The following TMEM18 variants were observed in gnomAD, a reference collection of about 807,000 sequenced individuals.
TMEM18 encodes transmembrane protein 18.
In TMEM18, 14 loss-of-function variants were observed where a neutral mutation model predicts 17.4. The ratio of observed to expected loss-of-function variants is 0.80; its 90% CI spans 0.53 to 1.25. The LOEUF (loss-of-function observed/expected upper bound fraction) is 1.25. Ranked by LOEUF, TMEM18 falls within the 50% of genes most tolerant of loss-of-function variation. The probability of loss-of-function intolerance (pLI) is 0.00; values close to 1 mark genes in which losing one functional copy is unlikely to be tolerated. For missense variants in TMEM18, 187 were observed against 172.1 expected (o/e 1.09, Z -0.48); for synonymous variants, 86 against 66.1 (o/e 1.30, Z -1.46).
rs1678743296 is a variant in TMEM18, at chr2:668,163, TAAC to T, written c.*1414_*1416del. The stretch of plus-strand genomic sequence containing the variant: ...TGTGAGAACTCCCTCTCTATTATGA[TAAC>T]AACATAGGGGAAACCACCCCCATGA... On this transcript the variant is annotated 3_prime_UTR_variant, in exon 5 of 5. Coordinates refer to ENST00000281017, the MANE Select transcript of TMEM18 (RefSeq NM_152834.4). 1 of 152,146 alleles carries T rather than the reference TAAC, an allele frequency of 6.6e-6. No homozygotes were observed. The allele number at this position is 152,146 out of a possible 1,614,324, so 9.4% of individuals were successfully genotyped here.
At position 677,227 on chromosome 2, in the gene TMEM18, GC is replaced by G. The variant is rs1226003721; in HGVS notation, c.57+61del. 22 of 1,559,424 alleles carry G rather than the reference GC, an allele frequency of 1.4e-5. No individual in the cohort carries two copies. The African/African-American group carries it at 2.4e-4, about 17-fold the overall frequency. ...GGCCACAGGCCGGGTGCTCTGTGGG[GC>G]CTACCCTACGCCTCTCCGCCGTCCT... On this transcript the variant is annotated intron_variant, in intron 1 of 4. Coordinates refer to ENST00000281017, the MANE Select transcript of TMEM18 (RefSeq NM_152834.4).
intron 3 of TMEM18, 68 bp downstream of exon 3, chr2:672,740 C>A (rs192923284): frequency 0.016 from 22,198 of 1,358,056 alleles, 239 homozygotes; most frequent in Non-Finnish European, 0.019. Flanking sequence ...GCGAGTCCCA[C>A]CGGCTGTGGG....
Position 675,966 on chromosome 2 carries a change from G to A in TMEM18, c.58-336C>T. ...GTTTTTAAGGTGGGTATAATTAAAG[G>A]AATTACCATCCTTTACGATGATAAT... On this transcript the variant is annotated intron_variant, in intron 1 of 4. Coordinates refer to ENST00000281017, the MANE Select transcript of TMEM18 (RefSeq NM_152834.4). 6 of 1,335,536 alleles carry A rather than the reference G, an allele frequency of 4.5e-6. No individual in the cohort carries two copies. The South Asian group carries it at 7.7e-5, about 17-fold the overall frequency. 82.7% of individuals were successfully genotyped at this position (1,335,536 alleles called of 1,614,324 possible). A position where few individuals can be genotyped will look rare whatever the true frequency, so the allele number is the denominator to read the frequency against.
rs145379573 is a variant in TMEM18 at position 672,868 on chromosome 2, A to G, written c.179-6T>C. 1,423 of 1,509,840 alleles carry G rather than the reference A, an allele frequency of 9.4e-4. 18 individuals are homozygous for G. In the African/African-American group the frequency reaches 0.018, roughly 19 times the overall value. The allele number at this position is 1,509,840 out of a possible 1,614,324, so 93.5% of individuals were successfully genotyped here. ...AGCACAGTAGACTAAGATGACTGAAAAAAGGTACAAGTCATATTAGAATTT... is the reference window on the plus strand; with the variant it reads ...AGCACAGTAGACTAAGATGACTGAAGAAAGGTACAAGTCATATTAGAATTT... On this transcript the variant is annotated splice_region_variant and splice_polypyrimidine_tract_variant and intron_variant, in intron 2 of 4. Coordinates refer to ENST00000281017, the MANE Select transcript of TMEM18 (RefSeq NM_152834.4).
Position 672,797 on chromosome 2 carries a change from G to T in TMEM18, c.233+11C>A. The T allele has an allele frequency of 6.8e-7, 1 of 1,465,492 alleles. No individual in the cohort carries two copies. The highest frequency in any genetic ancestry group is 1.5e-5 in the African/African-American group (1 of 67,448). The allele number at this position is 1,465,492 out of a possible 1,614,324, so 90.8% of individuals were successfully genotyped here. A position where few individuals can be genotyped will look rare whatever the true frequency, so the allele number is the denominator to read the frequency against. On this transcript the variant is annotated intron_variant, in intron 3 of 4. Transcript: ENST00000281017. ...GCAGGGACCTGGTCACAGGCCCGGG[G>T]GTGGGCTCACCTCCAGTTCATCGCA...
intron 1 of TMEM18, chr2:676,624 C>T (rs1659233936): frequency 1.3e-6 from 2 of 1,550,412 alleles, no homozygotes; most frequent in South Asian, 1.2e-5. Context: ...CTGCCCAGAC[C>T]CCATCGAGTG....
At chr2:677,240 C>G (rs1053933752) in intron 1 of TMEM18, 49 bp downstream of exon 1, 2 of 1,582,274 alleles carry the variant, frequency 1.3e-6, no homozygotes, top group Non-Finnish European at 1.7e-6. Flanking sequence ...TACCCTACGC[C>G]TCTCCGCCGT....
rs1447068527 is a variant in TMEM18 at position 664,774 on chromosome 2, G to C, written c.*4806C>G. On this transcript the variant is annotated 3_prime_UTR_variant, in exon 5 of 5. Transcript: ENST00000281017. Reference sequence around the variant, plus strand: ...TGTAAGAATTTATTCCAAGTCAATAGTGGAAATGTAGGCATGTGAGGTTGG... The same window carrying C: ...TGTAAGAATTTATTCCAAGTCAATACTGGAAATGTAGGCATGTGAGGTTGG... Among the ~76,000 whole-genome samples the C allele has an allele frequency of 2.0e-5, 3 of 152,222 alleles. No individual in the cohort carries two copies. The highest frequency in any genetic ancestry group is 2.9e-5 in the Non-Finnish European group (2 of 68,044).
At chr2:672,199 C>CTAA (rs1452969161) in intron 3 of TMEM18, among the ~76,000 whole-genome samples, 2 of 152,134 alleles carry the variant, frequency 1.3e-5, no homozygotes, top group Non-Finnish European at 2.9e-5. Flanking sequence ...ACGTAAAAGC[C>CTAA]ATTTTTAGCT....
rs1189925370 is a variant in TMEM18 at position 664,727 on chromosome 2, T to C, written c.*4853A>G. Among the ~76,000 whole-genome samples the C allele has an allele frequency of 6.6e-6, 1 of 152,270 alleles. No individual in the cohort carries two copies. Among genetic ancestry groups the C allele is most frequent in the East Asian group, 1.9e-4 (1 of 5,198 alleles). ...TTTACCAACTGTCACATAAAAGTTA[T>C]ATATGTTGACTAAATTTCACTTGTA... is the stretch of plus-strand genomic sequence containing the variant. On this transcript the variant is annotated 3_prime_UTR_variant, in exon 5 of 5. Coordinates refer to ENST00000281017, the MANE Select transcript of TMEM18 (RefSeq NM_152834.4).
chr2:677,209 G>C (rs530313369), intron 1 of TMEM18, 80 bp downstream of exon 1: 133 of 1,530,802 alleles, frequency 8.7e-5, no homozygotes, highest in Middle Eastern at 4.4e-4. Flanking sequence ...CTTGGCCACA[G>C]GCCGGGTGCT....
chr2:676,720 C>G, intron 1 of TMEM18: 1 of 1,364,312 alleles, frequency 7.3e-7, no homozygotes, highest in Non-Finnish European at 1.0e-6. Context: ...GCCCCGCCCA[C>G]ACTGGGCAGC....
At position 675,513 on chromosome 2, in the gene TMEM18, G is replaced by C; in HGVS notation, c.175C>G (p.Leu59Val). The C allele has an allele frequency of 1.9e-6, 3 of 1,614,214 alleles. No homozygotes were observed. The highest frequency in any genetic ancestry group is 2.5e-6 in the Non-Finnish European group (3 of 1,180,032). ...GAGTTTGTGTTGTTTTACTCACCTA[G>C]ACACAGAAAGTGCCCGATCTGTAGT... ...YRLQIGHFLC[L>V]VILVYCAEYI... Residue 59 changes from leucine to valine, a missense_variant, in exon 2 of 5, where the codon CTA (leucine) becomes GTA (valine). Physicochemically the swap from Leu to Val is conservative, Grantham distance 32 (BLOSUM62 1). Transcript: ENST00000281017.
chr2:676,480 T>TAAGA (rs74164457), intron 1 of TMEM18: 1 of 1,474,104 alleles, frequency 6.8e-7, no homozygotes, highest in Non-Finnish European at 9.2e-7. Flanking sequence ...AGAACTCCTG[T>TAAGA]GTCACTACTC....
chr2:670,125 C>T (rs73153245), intron 3 of TMEM18: 42,979 of 390,036 alleles, frequency 0.11, 2,720 homozygotes, highest in African/African-American at 0.18. Flanking sequence ...AGCAGAGAGA[C>T]GTCACCCTGC....
chr2:674,441 G>T (rs2103093718), intron 2 of TMEM18, among the ~76,000 whole-genome samples: 1 of 152,292 alleles, frequency 6.6e-6, no homozygotes, highest in Non-Finnish European at 1.5e-5. Flanking sequence ...CTGTTTCACT[G>T]TGTTTTTGGC....
chr2:676,566 G>A lies in TMEM18; in HGVS notation c.57+723C>T, dbSNP rs967284941. 23 of 1,550,254 alleles carry A rather than the reference G, an allele frequency of 1.5e-5. No homozygotes were observed. The Admixed American group carries it at 1.6e-4, about 11-fold the overall frequency. On this transcript the variant is annotated intron_variant, in intron 1 of 4. Coordinates refer to ENST00000281017, the MANE Select transcript of TMEM18 (RefSeq NM_152834.4). ...CACAAGCGCATCTACTCCCATCAATGCACCCACCAGAAGACCAGAGGCACG... is the reference window on the plus strand; with the variant it reads ...CACAAGCGCATCTACTCCCATCAATACACCCACCAGAAGACCAGAGGCACG...
At chr2:676,447 G>T in intron 1 of TMEM18, 1 of 1,128,044 alleles carries the variant, frequency 8.9e-7, no homozygotes, top group Non-Finnish European at 1.2e-6. Context: ...TGCCCTCCAA[G>T]CTGCAGCCCG....
In TMEM18 at chr2:666,840, G is replaced by A. The variant is rs1678705021; in HGVS notation, c.*2740C>T. Among the ~76,000 whole-genome samples, 1 of 152,148 alleles carries A rather than the reference G, an allele frequency of 6.6e-6. No homozygotes were observed. Among genetic ancestry groups the A allele is most frequent in the African/African-American group, 2.4e-5 (1 of 41,418 alleles). On this transcript the variant is annotated 3_prime_UTR_variant, in exon 5 of 5. Transcript: ENST00000281017. Reference sequence around the variant, plus strand: ...GAAAACATGTTCTGGTTAACTTGGTGAAAGAAGAAGGGTGCTCCACTGAAA... The same window carrying A: ...GAAAACATGTTCTGGTTAACTTGGTAAAAGAAGAAGGGTGCTCCACTGAAA...
Sources: gnomAD v4.1 joint callset for allele counts (sites outside exome capture counted in the v4.1 genomes callset) on GRCh38, gnomAD v4.1.1 for gene constraint, MANE v1.5 for transcripts, NCBI Gene and HGNC (gene_info 2026-07-23, HGNC 2026-07-21) for gene names.